Variants in KYNU observed in about 807,000 individuals in gnomAD.
KYNU encodes the protein L-kynurenine hydrolase.
In KYNU, 54 loss-of-function variants were observed where a neutral mutation model predicts 59.2. That is an observed-to-expected ratio of 0.91 (90% confidence interval 0.73 to 1.14). KYNU has a LOEUF of 1.14. KYNU is among the 50% of genes most tolerant of loss of function. The probability of loss-of-function intolerance (pLI) is 0.00; values close to 1 mark genes in which losing one functional copy is unlikely to be tolerated. For missense variants in KYNU, 567 were observed against 554.4 expected (o/e 1.02, Z -0.23); for synonymous variants, 177 against 192.0 (o/e 0.92, Z 0.65).
At chr2:142,964,832 C>G (rs1394110872) in intron 8 of KYNU, 1 of 152,034 alleles carries the variant, frequency 6.6e-6, no homozygotes, top group African/African-American at 2.4e-5. Flanking sequence ...GTGGGGGAGG[C>G]CAAGGAAAAC....
At chr2:142,888,120 T>G (rs867192948) in intron 2 of KYNU, among the ~76,000 whole-genome samples, 1 of 152,168 alleles carries the variant, frequency 6.6e-6, no homozygotes, top group Non-Finnish European at 1.5e-5. Context: ...AGATAAGAGA[T>G]AGAAATTGGT....
chr2:143,024,725 CTGAGTTA>C (rs1384244977), intron 10 of KYNU, among the ~76,000 whole-genome samples: 7 of 152,060 alleles, frequency 4.6e-5, no homozygotes, highest in Non-Finnish European at 8.8e-5. Flanking sequence ...ATTGACCATT[CTGAGTTA>C]ATCGCTCCCA....
chr2:142,889,067 C>T (rs1226155028), intron 2 of KYNU, among the ~76,000 whole-genome samples: 1 of 151,412 alleles, frequency 6.6e-6, no homozygotes, highest in African/African-American at 2.4e-5. Context: ...TGGTCGTGGT[C>T]CACGTTTATG....
chr2:142,973,430 G>T (rs894019480), intron 8 of KYNU, among the ~76,000 whole-genome samples: 2 of 152,110 alleles, frequency 1.3e-5, no homozygotes, highest in Non-Finnish European at 2.9e-5. Context: ...ATATAGGGAA[G>T]CCCCAATACA....
At chr2:143,006,716 G>A (rs1224962078) in intron 10 of KYNU, among the ~76,000 whole-genome samples, 2 of 151,620 alleles carry the variant, frequency 1.3e-5, no homozygotes, top group African/African-American at 4.9e-5. Context: ...TCTGAGAACT[G>A]GCAGACTGCC....
intron 4 of KYNU, among the ~76,000 whole-genome samples, chr2:142,928,061 C>G (rs1473688377): frequency 6.6e-6 from 1 of 152,082 alleles, no homozygotes. Context: ...TAAAAATCAA[C>G]TGAAATGAAT....
chr2:142,927,669 G>A lies in KYNU; in HGVS notation c.301G>A (p.Gly101Ser). ...CGTTTTCAATTTCAGAGCAGCCTATGGTCATGAAGTGGGGAAGCGTCCTTG... is the reference window on the plus strand; with the variant it reads ...CGTTTTCAATTTCAGAGCAGCCTATAGTCATGAAGTGGGGAAGCGTCCTTG... ...LDKWAKIAAY[G>S]HEVGKRPWIT... The change falls in exon 4 of 14, where the codon GGT becomes AGT. Residue 101 changes from glycine to serine, a missense_variant. Gly to Ser is a moderately conservative substitution (Grantham distance 56). Coordinates refer to ENST00000264170, the MANE Select transcript of KYNU (RefSeq NM_003937.3). The A allele has an allele frequency of 6.2e-7, 1 of 1,612,748 alleles. No homozygotes were observed. Among genetic ancestry groups the A allele is most frequent in the Non-Finnish European group, 8.5e-7 (1 of 1,178,906 alleles).
At chr2:142,908,870 G>A (rs1463372298) in intron 2 of KYNU, among the ~76,000 whole-genome samples, 1 of 152,042 alleles carries the variant, frequency 6.6e-6, no homozygotes, top group East Asian at 1.9e-4. Flanking sequence ...TCCTGACCTC[G>A]TGATCCACCC....
chr2:142,992,845 G>A (rs1255763796), intron 10 of KYNU, among the ~76,000 whole-genome samples: 3 of 152,014 alleles, frequency 2.0e-5, no homozygotes, highest in Non-Finnish European at 4.4e-5. Flanking sequence ...TATTGCCTGC[G>A]ATTTTAAAAT....
rs1053583657 is a variant in KYNU at position 143,036,876 on chromosome 2, C to G, written c.1042-3552C>G. Among the ~76,000 whole-genome samples, 6 of 152,294 alleles carry G rather than the reference C, an allele frequency of 3.9e-5. No homozygotes were observed. In the East Asian group the frequency reaches 9.6e-4, roughly 24 times the overall value. On this transcript the variant is annotated intron_variant, in intron 12 of 13. Coordinates refer to ENST00000264170, the MANE Select transcript of KYNU (RefSeq NM_003937.3). ...AGAAGTAAATGCATGAATCAAACTGCCTCTTTGTTGTCTCTACTTTTAAGA... is the reference window on the plus strand; with the variant it reads ...AGAAGTAAATGCATGAATCAAACTGGCTCTTTGTTGTCTCTACTTTTAAGA...
chr2:143,034,818 T>C (rs961241793), intron 12 of KYNU, among the ~76,000 whole-genome samples: 20 of 152,348 alleles, frequency 1.3e-4, no homozygotes, highest in African/African-American at 4.8e-4. Context: ...CAGCGAGATG[T>C]GTGACAATAT....
intron 2 of KYNU, among the ~76,000 whole-genome samples, chr2:142,914,005 C>T (rs1018848797): frequency 7.9e-5 from 12 of 152,180 alleles, no homozygotes; most frequent in Non-Finnish European, 1.6e-4. Flanking sequence ...TCCTTGGCAC[C>T]ATTACAGTAG....
intron 10 of KYNU, among the ~76,000 whole-genome samples, chr2:143,026,446 C>T (rs910482678): frequency 1.3e-5 from 2 of 152,244 alleles, no homozygotes; most frequent in African/African-American, 4.8e-5. Context: ...TCGCTGCTCT[C>T]AGCTCCTCGC....
chr2:143,040,346 T>C (rs911833855), intron 12 of KYNU, 82 bp from the exon 13 acceptor site: 2 of 950,814 alleles, frequency 2.1e-6, no homozygotes, highest in African/African-American at 3.2e-5. Flanking sequence ...GGGCATTTCC[T>C]TTTTATGCAT....
intron 13 of KYNU, 147 bp downstream of exon 13, chr2:143,040,805 G>A (rs886204981): frequency 3.3e-6 from 2 of 603,064 alleles, no homozygotes; most frequent in Non-Finnish European, 5.9e-6. Context: ...TAAGCCCTCA[G>A]CACTGTGCTA....
chr2:142,946,469 T>G (rs1573823151), intron 4 of KYNU, among the ~76,000 whole-genome samples: 1 of 152,198 alleles, frequency 6.6e-6, no homozygotes, highest in Admixed American at 6.6e-5. Flanking sequence ...TTGAAAAGTT[T>G]AATATCCTTG....
chr2:142,905,938 T>G (rs1435406499), intron 2 of KYNU, among the ~76,000 whole-genome samples: 1 of 152,220 alleles, frequency 6.6e-6, no homozygotes, highest in Non-Finnish European at 1.5e-5. Flanking sequence ...TTTAAAGGAA[T>G]AGGGCACACT....
At chr2:142,906,180 G>T (rs1346497764) in intron 2 of KYNU, among the ~76,000 whole-genome samples, 1 of 152,112 alleles carries the variant, frequency 6.6e-6, no homozygotes, top group Admixed American at 6.6e-5. Context: ...GACCCCATTT[G>T]CCACTATAGG....
intron 1 of KYNU, among the ~76,000 whole-genome samples, chr2:142,882,979 T>A (rs983508293): frequency 1.3e-5 from 2 of 152,118 alleles, no homozygotes; most frequent in African/African-American, 4.8e-5. Flanking sequence ...CTCCACATCC[T>A]CTCCAGCACC....
Sources: gnomAD v4.1 joint callset for allele counts (sites outside exome capture counted in the v4.1 genomes callset) on GRCh38, gnomAD v4.1.1 for gene constraint, MANE v1.5 for transcripts, NCBI Gene and HGNC (gene_info 2026-07-23, HGNC 2026-07-21) for gene names.